PARVA: variants seen among roughly 807,000 people sequenced by gnomAD.
PARVA encodes parvin alpha.
Under a neutral mutation model 52.6 loss-of-function variants are expected in PARVA, and 25 were observed. The observed-to-expected ratio is 0.48, with a 90% CI of 0.35 to 0.66. PARVA has a LOEUF of 0.66. Ranked by LOEUF, PARVA falls within the 30% of genes least tolerant of loss-of-function variation. The probability of loss-of-function intolerance (pLI) is 0.01; values close to 1 mark genes in which losing one functional copy is unlikely to be tolerated. For synonymous variants in PARVA, 185 were observed against 179.1 expected, an observed-to-expected ratio of 1.03 and a Z score of -0.26; for missense variants, 373 against 450.9, an observed-to-expected ratio of 0.83 and a Z score of 1.56.
chr11:12,442,546 A>G (rs142418032), intron 1 of PARVA, among the ~76,000 whole-genome samples: 2,103 of 152,144 alleles, frequency 0.014, 44 homozygotes, highest in African/African-American at 0.046. Flanking sequence ...TTAAAGAGGG[A>G]GATGTGGAGG....
At chr11:12,438,330 C>T (rs543423838) in intron 1 of PARVA, among the ~76,000 whole-genome samples, 1 of 151,160 alleles carries the variant, frequency 6.6e-6, no homozygotes, top group African/African-American at 2.4e-5. Flanking sequence ...CTAGGAAGTA[C>T]AAGATTGAGG....
rs369408368 is a variant in PARVA at position 12,496,414 on chromosome 11, G to A, written c.401-44G>A. On this transcript the variant is annotated intron_variant, in intron 4 of 12. Transcript: ENST00000334956. Reference sequence around the variant, plus strand: ...TAAGTGCATGCAGTAGGGTTGTCTGGGGCCCAGCATAACAGCTGTTCTCTT... The same window carrying A: ...TAAGTGCATGCAGTAGGGTTGTCTGAGGCCCAGCATAACAGCTGTTCTCTT... 1.0e-5 allele frequency: 16 copies of A among 1,583,170 alleles called. No homozygotes were observed. In the African/African-American group the frequency reaches 1.6e-4, roughly 16 times the overall value.
chr11:12,377,823 G>T (rs1474719494), intron 1 of PARVA, 40 bp downstream of exon 1: 4 of 1,446,916 alleles, frequency 2.8e-6, no homozygotes, highest in South Asian at 1.4e-5. Context: ...GGTAGGAGCC[G>T]GGGGTGCCGT....
At chr11:12,439,913 T>C (rs971043198) in intron 1 of PARVA, among the ~76,000 whole-genome samples, 6 of 152,238 alleles carry the variant, frequency 3.9e-5, no homozygotes, top group African/African-American at 1.4e-4. Context: ...TAGAGAGGCC[T>C]ATGACCACCT....
At chr11:12,506,319 T>C (rs1185866520) in intron 6 of PARVA, among the ~76,000 whole-genome samples, 2 of 152,242 alleles carry the variant, frequency 1.3e-5, no homozygotes, top group East Asian at 1.9e-4. Flanking sequence ...AATAGCTCTC[T>C]TATCACTAGA....
In PARVA at chr11:12,415,947, A is replaced by G. The variant is rs879608360; in HGVS notation, c.136+38164A>G. Among the ~76,000 whole-genome samples, 36 of 152,192 alleles carry G rather than the reference A, an allele frequency of 2.4e-4. 1 individual carries two copies. The highest frequency in any genetic ancestry group is 2.9e-4 in the Non-Finnish European group (20 of 68,034). ...AAAAGGCGTAGCGCCTTCTCTACTT[A>G]GCTGTTGGCACTAATCTATGCTTGC... On this transcript the variant is annotated intron_variant, in intron 1 of 12. Coordinates refer to ENST00000334956, the MANE Select transcript of PARVA (RefSeq NM_018222.5).
intron 1 of PARVA, among the ~76,000 whole-genome samples, chr11:12,422,455 T>A (rs1368364172): frequency 6.6e-6 from 1 of 152,260 alleles, no homozygotes; most frequent in African/African-American, 2.4e-5. Flanking sequence ...ACAATGCCCC[T>A]GGCAGTAGTT....
At chr11:12,469,287 A>T (rs1940898183) in intron 1 of PARVA, among the ~76,000 whole-genome samples, 1 of 152,116 alleles carries the variant, frequency 6.6e-6, no homozygotes, top group Non-Finnish European at 1.5e-5. Flanking sequence ...TGGAAACAAA[A>T]GCCCCTTTTC....
At chr11:12,462,988 C>T (rs1000160296) in intron 1 of PARVA, among the ~76,000 whole-genome samples, 1 of 151,920 alleles carries the variant, frequency 6.6e-6, no homozygotes, top group Non-Finnish European at 1.5e-5. Flanking sequence ...AGGAAACATT[C>T]GTGTCTCATA....
At chr11:12,506,598 A>G (rs1589984269) in intron 6 of PARVA, among the ~76,000 whole-genome samples, 1 of 152,244 alleles carries the variant, frequency 6.6e-6, no homozygotes, top group Non-Finnish European at 1.5e-5. Context: ...TTTGAGCTCA[A>G]TTATAGGCCA....
At chr11:12,411,849 T>C (rs1448253501) in intron 1 of PARVA, among the ~76,000 whole-genome samples, 2 of 151,948 alleles carry the variant, frequency 1.3e-5, no homozygotes, top group African/African-American at 2.4e-5. Flanking sequence ...ACCTACGAGG[T>C]CTTCTCACTC....
intron 10 of PARVA, among the ~76,000 whole-genome samples, chr11:12,515,905 C>T (rs1484141684): frequency 2.0e-5 from 3 of 152,202 alleles, no homozygotes; most frequent in Admixed American, 6.5e-5. Context: ...GGCACGATCA[C>T]GGCTTACTGC....
At chr11:12,483,713 T>A (rs1941119569) in intron 4 of PARVA, among the ~76,000 whole-genome samples, 1 of 152,104 alleles carries the variant, frequency 6.6e-6, no homozygotes, top group African/African-American at 2.4e-5. Flanking sequence ...ATCGCTGTCA[T>A]CCAGAGAGAC....
intron 10 of PARVA, among the ~76,000 whole-genome samples, chr11:12,515,930 A>G (rs1395779096): frequency 6.6e-6 from 1 of 152,136 alleles, no homozygotes; most frequent in African/African-American, 2.4e-5. Flanking sequence ...TCAACTTCCC[A>G]GGCTCAGGTG....
intron 1 of PARVA, among the ~76,000 whole-genome samples, chr11:12,449,919 C>T (rs1418779192): frequency 6.6e-6 from 1 of 152,224 alleles, no homozygotes; most frequent in Non-Finnish European, 1.5e-5. Context: ...ATTCTACTCC[C>T]CAGATTCTTG....
At chr11:12,474,414 G>A (rs1940977417) in intron 3 of PARVA, among the ~76,000 whole-genome samples, 1 of 151,988 alleles carries the variant, frequency 6.6e-6, no homozygotes, top group African/African-American at 2.4e-5. Context: ...AGAAATAAAG[G>A]AGATGAAGTG....
chr11:12,436,577 C>T (rs1392586924), intron 1 of PARVA, among the ~76,000 whole-genome samples: 1 of 152,116 alleles, frequency 6.6e-6, no homozygotes, highest in East Asian at 1.9e-4. Context: ...GTTAGGGGAA[C>T]TAAAATTGAT....
intron 5 of PARVA, among the ~76,000 whole-genome samples, chr11:12,497,779 G>T (rs935682564): frequency 6.6e-5 from 10 of 152,156 alleles, no homozygotes; most frequent in Non-Finnish European, 2.9e-5. Flanking sequence ...GTCAATGGGG[G>T]AGAACAAGGC....
chr11:12,517,865 G>T, intron 11 of PARVA, among the ~76,000 whole-genome samples, 154 bp downstream of exon 11: 1 of 152,236 alleles, frequency 6.6e-6, no homozygotes, highest in South Asian at 2.1e-4. Flanking sequence ...TAAGAGCTGA[G>T]CTGGGAAGGA....
Sources: gnomAD v4.1 joint callset for allele counts (sites outside exome capture counted in the v4.1 genomes callset) on GRCh38, gnomAD v4.1.1 for gene constraint, MANE v1.5 for transcripts, NCBI Gene and HGNC (gene_info 2026-07-23, HGNC 2026-07-21) for gene names.